Variants in GMDS observed in about 807,000 individuals in gnomAD.
The protein encoded by GMDS is GDP-mannose 4,6 dehydratase.
GMDS carries 20 observed loss-of-function variants against 49.9 expected under a neutral mutation model. The ratio of observed to expected loss-of-function variants is 0.40; its 90% CI spans 0.28 to 0.58. The LOEUF (loss-of-function observed/expected upper bound fraction) is 0.58, where lower values mean the gene tolerates loss of function less well. Among genes scored for constraint, GMDS ranks in the 20% least tolerant of loss-of-function variants. The pLI is 0.42. For missense variants in GMDS, 362 were observed against 481.4 expected, an observed-to-expected ratio of 0.75 and a Z score of 2.32; for synonymous variants, 177 against 178.6, an observed-to-expected ratio of 0.99 and a Z score of 0.07.
chr6:2,000,029 C>CTTTTTTTTTTTTTTTT (rs1766687129), intron 4 of GMDS, among the ~76,000 whole-genome samples: 1 of 8,050 alleles, frequency 1.2e-4, no homozygotes, highest in African/African-American at 2.7e-4. Context: ...ATATATATAT[C>CTTTTTTTTTTTTTTTT]TATATCTTTT....
intron 4 of GMDS, among the ~76,000 whole-genome samples, chr6:1,993,082 A>AT (rs539022136): frequency 7.2e-5 from 11 of 152,044 alleles, no homozygotes; most frequent in Non-Finnish European, 1.3e-4. Context: ...TAAATACTAG[A>AT]TTCTCTCGGG....
chr6:1,675,378 G>C lies in GMDS; in HGVS notation c.988-50838C>G, dbSNP rs188709597. 2.0e-3 allele frequency among the ~76,000 whole-genome samples: 297 copies of C among 148,060 alleles called. 2 individuals carry two copies. The highest frequency in any genetic ancestry group is 7.1e-3 in the African/African-American group (285 of 40,106). ...TTCTATATAGACCATTATGTCACTT[G>C]TGAAAGACAAAGACAGTGTTATTTC... On this transcript the variant is annotated intron_variant, in intron 9 of 10. Coordinates refer to ENST00000380815, the MANE Select transcript of GMDS (RefSeq NM_001500.4).
intron 9 of GMDS, among the ~76,000 whole-genome samples, chr6:1,668,744 T>A (rs1184981625): frequency 1.3e-5 from 2 of 151,592 alleles, no homozygotes; most frequent in African/African-American, 4.8e-5. Context: ...CCACTGGGAA[T>A]AAAAAGGAGC....
At chr6:2,045,577 T>C (rs1769955409) in intron 4 of GMDS, among the ~76,000 whole-genome samples, 1 of 152,168 alleles carries the variant, frequency 6.6e-6, no homozygotes, top group Non-Finnish European at 1.5e-5. Context: ...TGTTGTGTTT[T>C]ATATTTCACC....
chr6:1,856,158 G>T (rs530526589), intron 7 of GMDS, among the ~76,000 whole-genome samples: 1 of 152,314 alleles, frequency 6.6e-6, no homozygotes, highest in East Asian at 1.9e-4. Context: ...GGCTGGTGAG[G>T]ATCAAACTTG....
chr6:2,174,381 T>TTTTTTAATGGGTGAATTTCATC (rs1430894989), intron 1 of GMDS, among the ~76,000 whole-genome samples: 1 of 152,192 alleles, frequency 6.6e-6, no homozygotes, highest in African/African-American at 2.4e-5. Context: ...CCATTTCATC[T>TTTTTTAATGGGTGAATTTCATC]TTTTTAATGG....
At chr6:1,878,790 A>G (rs1229209280) in intron 7 of GMDS, among the ~76,000 whole-genome samples, 3 of 152,230 alleles carry the variant, frequency 2.0e-5, no homozygotes, top group African/African-American at 4.8e-5. Context: ...ACTTAAGAAT[A>G]TCATTTAAAA....
chr6:2,041,700 G>A, intron 4 of GMDS, among the ~76,000 whole-genome samples: 1 of 152,066 alleles, frequency 6.6e-6, no homozygotes, highest in East Asian at 1.9e-4. Flanking sequence ...TAGGGCTCAG[G>A]GGTGTCTGCT....
At chr6:1,886,545 A>G (rs1759617009) in intron 7 of GMDS, among the ~76,000 whole-genome samples, 1 of 152,248 alleles carries the variant, frequency 6.6e-6, no homozygotes, top group Non-Finnish European at 1.5e-5. Context: ...TCAATAAAAA[A>G]TAGACTGTAA....
At chr6:1,673,248 T>C (rs983345355) in intron 9 of GMDS, among the ~76,000 whole-genome samples, 3 of 152,070 alleles carry the variant, frequency 2.0e-5, no homozygotes, top group Non-Finnish European at 2.9e-5. Context: ...GTTCAACAAA[T>C]TGCAGGGCCA....
At chr6:2,134,008 G>A (rs891667539) in intron 1 of GMDS, among the ~76,000 whole-genome samples, 16 of 152,092 alleles carry the variant, frequency 1.1e-4, no homozygotes, top group African/African-American at 3.6e-4. Context: ...TGTGTATTTC[G>A]GTTCTGCCAC....
intron 9 of GMDS, among the ~76,000 whole-genome samples, chr6:1,670,730 G>A (rs1016282187): frequency 6.6e-6 from 1 of 152,144 alleles, no homozygotes; most frequent in Admixed American, 6.5e-5. Context: ...CCATCTCCTC[G>A]TGCCTTTTGT....
chr6:2,029,899 G>A (rs1332689568), intron 4 of GMDS, among the ~76,000 whole-genome samples: 4 of 151,970 alleles, frequency 2.6e-5, no homozygotes, highest in Non-Finnish European at 5.9e-5. Context: ...GGGTGTACAG[G>A]AGCAGCATGT....
At chr6:2,097,674 AG>A (rs1773687380) in intron 4 of GMDS, among the ~76,000 whole-genome samples, 1 of 151,314 alleles carries the variant, frequency 6.6e-6, no homozygotes, top group African/African-American at 2.5e-5. Context: ...AGCAAGGGAG[AG>A]GCCACGGGAA....
intron 9 of GMDS, among the ~76,000 whole-genome samples, chr6:1,704,703 C>T (rs947934945): frequency 1.3e-5 from 2 of 152,084 alleles, no homozygotes; most frequent in African/African-American, 2.4e-5. Context: ...CCTGAACTTC[C>T]GTTGTTGTGG....
chr6:1,704,748 T>C (rs1304619809), intron 9 of GMDS, among the ~76,000 whole-genome samples: 1 of 151,866 alleles, frequency 6.6e-6, no homozygotes, highest in Non-Finnish European at 1.5e-5. Flanking sequence ...ATACGTAAAT[T>C]GGAAGTAATA....
At chr6:2,086,955 G>A (rs1773052238) in intron 4 of GMDS, among the ~76,000 whole-genome samples, 1 of 152,190 alleles carries the variant, frequency 6.6e-6, no homozygotes, top group Non-Finnish European at 1.5e-5. Context: ...AAATCACTTG[G>A]AAAATCACAA....
chr6:1,700,717 G>T (rs1181468087), intron 9 of GMDS, among the ~76,000 whole-genome samples: 1 of 152,142 alleles, frequency 6.6e-6, no homozygotes, highest in Non-Finnish European at 1.5e-5. Flanking sequence ...CTATGCGGTG[G>T]CAAGAAAGAA....
At chr6:1,735,583 G>A (rs748714626) in intron 8 of GMDS, among the ~76,000 whole-genome samples, 1 of 152,116 alleles carries the variant, frequency 6.6e-6, no homozygotes, top group African/African-American at 2.4e-5. Context: ...TGGCCAGGCT[G>A]TTCCACCCTC....
Sources: allele counts gnomAD v4.1 joint callset (sites outside exome capture counted in the v4.1 genomes callset), GRCh38; gene constraint gnomAD v4.1.1; transcripts MANE v1.5; gene names NCBI Gene and HGNC (gene_info 2026-07-23, HGNC 2026-07-21).